Variants in FAM135B observed in about 807,000 individuals in gnomAD.
The protein encoded by FAM135B is protein FAM135B.
Under a neutral mutation model 127.7 loss-of-function variants are expected in FAM135B, and 43 were observed. That is an observed-to-expected ratio of 0.34 (90% CI 0.26 to 0.43). The LOEUF is 0.43. FAM135B is among the 20% of genes least tolerant of loss of function. FAM135B has a pLI of 1.00. For synonymous variants in FAM135B, 670 were observed against 665.1 expected (o/e 1.01, Z -0.11); for missense variants, 1,558 against 1,725.6 (o/e 0.90, Z 1.72).
chr8:138,418,866 A>G (rs1445003907), intron 1 of FAM135B, among the ~76,000 whole-genome samples: 1 of 151,798 alleles, frequency 6.6e-6, no homozygotes, highest in South Asian at 2.1e-4. Flanking sequence ...CATAGAAAAA[A>G]AAAACACTCA....
intron 3 of FAM135B, among the ~76,000 whole-genome samples, chr8:138,268,196 T>C (rs1375659058): frequency 6.6e-6 from 1 of 152,138 alleles, no homozygotes; most frequent in Non-Finnish European, 1.5e-5. Context: ...GAGGATAAAA[T>C]AGATCAAGCT....
intron 7 of FAM135B, among the ~76,000 whole-genome samples, chr8:138,237,203 C>G (rs547999933): frequency 6.8e-6 from 1 of 147,742 alleles, no homozygotes; most frequent in East Asian, 2.0e-4. Flanking sequence ...CTCTGTCACC[C>G]AGGCTGGAGT....
chr8:138,438,101 T>G (rs940640792), intron 1 of FAM135B: 1 of 152,314 alleles, frequency 6.6e-6, no homozygotes, highest in East Asian at 1.9e-4. Context: ...TCATTTTAAT[T>G]AACCTAAAAG....
intron 1 of FAM135B, among the ~76,000 whole-genome samples, chr8:138,443,883 C>A (rs1033940156): frequency 1.3e-5 from 2 of 152,138 alleles, no homozygotes; most frequent in African/African-American, 4.8e-5. Context: ...CAAGACCCAT[C>A]AATGTGCTGT....
intron 2 of FAM135B, among the ~76,000 whole-genome samples, chr8:138,326,663 C>T (rs1827813611): frequency 6.6e-6 from 1 of 152,086 alleles, no homozygotes; most frequent in Non-Finnish European, 1.5e-5. Flanking sequence ...GCAGAAGGAT[C>T]AAAGGCATGA....
chr8:138,497,473 G>A (rs1030426626), upstream of FAM135B, among the ~76,000 whole-genome samples: 134 of 152,258 alleles, frequency 8.8e-4, no homozygotes, highest in African/African-American at 3.1e-3. Flanking sequence ...CTCGAGCCAA[G>A]ACCCCAGGCC....
intron 2 of FAM135B, among the ~76,000 whole-genome samples, chr8:138,332,983 G>GCACACACACA (rs59548249): frequency 6.9e-6 from 1 of 145,318 alleles, no homozygotes; most frequent in Non-Finnish European, 1.5e-5. Flanking sequence ...TTTGGAAAGC[G>GCACACACACA]CACACACACA....
intron 1 of FAM135B, among the ~76,000 whole-genome samples, chr8:138,451,171 T>A (rs529486264): frequency 6.6e-6 from 1 of 152,198 alleles, no homozygotes; most frequent in Admixed American, 6.5e-5. Flanking sequence ...GCCTCAGGGG[T>A]CCCTGCAGCT....
chr8:138,272,924 A>G (rs1419844318), intron 3 of FAM135B, among the ~76,000 whole-genome samples: 1 of 152,222 alleles, frequency 6.6e-6, no homozygotes, highest in Non-Finnish European at 1.5e-5. Flanking sequence ...ACCTGTGAAC[A>G]AAGAACTTAC....
chr8:138,151,746 T>C lies in FAM135B; in HGVS notation c.2729A>G (p.Asp910Gly), dbSNP rs2130741344. 1 of 1,614,184 alleles carries C rather than the reference T, an allele frequency of 6.2e-7. No homozygotes were observed. Among genetic ancestry groups the C allele is most frequent in the South Asian group, 1.1e-5 (1 of 91,086 alleles). Residue 910 changes from aspartate (D) to glycine (G), a missense_variant, in exon 13 of 20, where the codon GAC becomes GGC. Physicochemically the swap from Asp to Gly is moderately conservative, Grantham distance 94. This residue lies in a region of FAM135B where 923 missense variants were observed against 865.3 expected (regional missense o/e 1.07). Coordinates refer to ENST00000395297, the MANE Select transcript of FAM135B (RefSeq NM_015912.4). ...AAGAGCTTGCTGACCCACATTCAAG[T>C]CTTTAGGCATGCCCTTTGGGGTTTC... ...LEETPKGMPK[D>G]LNVGQQALSN...
chr8:138,151,987 C>G lies in FAM135B; in HGVS notation c.2488G>C (p.Val830Leu), dbSNP rs767851541. Residue 830 changes from valine to leucine, a missense_variant, in exon 13 of 20, where the codon GTG (valine) becomes CTG (leucine). By Grantham distance (32) the Val-to-Leu change is conservative. Around this residue, in one of 5 missense-constraint regions of FAM135B, gnomAD observed 923 missense variants for 865.3 expected, o/e 1.07. Transcript: ENST00000395297. ...GTDAGADHPL[V>L]EIVLDADNQQ... ...TTGTCAGCATCTAAAACTATCTCCA[C>G]CAGGGGATGGTCTGCTCCAGCATCT... 1 of 1,614,090 alleles carries G rather than the reference C, an allele frequency of 6.2e-7. No homozygotes were observed. The highest frequency in any genetic ancestry group is 1.1e-5 in the South Asian group (1 of 91,072).
At chr8:138,399,453 T>C (rs1185750762) in intron 1 of FAM135B, among the ~76,000 whole-genome samples, 1 of 152,134 alleles carries the variant, frequency 6.6e-6, no homozygotes, top group Non-Finnish European at 1.5e-5. Context: ...ATAGTGTCCC[T>C]TAAACCCCAG....
chr8:138,163,931 C>T (rs535404493), intron 12 of FAM135B, among the ~76,000 whole-genome samples: 2 of 152,330 alleles, frequency 1.3e-5, no homozygotes, highest in South Asian at 4.1e-4. Flanking sequence ...TGGGCTCAAG[C>T]AAACCTCCCA....
chr8:138,466,735 G>A (rs1260936518), intron 1 of FAM135B, among the ~76,000 whole-genome samples: 1 of 152,208 alleles, frequency 6.6e-6, no homozygotes, highest in African/African-American at 2.4e-5. Context: ...TTTGTTAACT[G>A]TATGGAGGGC....
chr8:138,328,334 C>T (rs987339958), intron 2 of FAM135B, among the ~76,000 whole-genome samples: 13 of 152,064 alleles, frequency 8.5e-5, no homozygotes, highest in Non-Finnish European at 1.3e-4. Context: ...CTGGGGAAGC[C>T]GGGACAGCAT....
intron 1 of FAM135B, among the ~76,000 whole-genome samples, chr8:138,469,674 C>T (rs957795548): frequency 1.3e-5 from 2 of 152,182 alleles, no homozygotes; most frequent in African/African-American, 4.8e-5. Flanking sequence ...AGGCAGGTGG[C>T]ATAGCAGGAC....
At chr8:138,446,164 C>G (rs1255905319) in intron 1 of FAM135B, among the ~76,000 whole-genome samples, 3 of 152,110 alleles carry the variant, frequency 2.0e-5, no homozygotes, top group Non-Finnish European at 4.4e-5. Flanking sequence ...AGGATACAAA[C>G]AAATGGAAGA....
At chr8:138,472,779 C>T (rs890004110) in intron 1 of FAM135B, among the ~76,000 whole-genome samples, 9 of 152,118 alleles carry the variant, frequency 5.9e-5, no homozygotes, top group African/African-American at 2.2e-4. Flanking sequence ...CGAGGGGAGT[C>T]CCACGTTTAG....
intron 7 of FAM135B, among the ~76,000 whole-genome samples, chr8:138,224,262 G>A (rs1819242253): frequency 6.6e-6 from 1 of 152,136 alleles, no homozygotes; most frequent in African/African-American, 2.4e-5. Flanking sequence ...GCAGACCAAA[G>A]AATTGACAGC....
Sources: allele counts gnomAD v4.1 joint callset (sites outside exome capture counted in the v4.1 genomes callset), GRCh38; gene constraint gnomAD v4.1.1; regional missense constraint gnomAD v4.1.1; transcripts MANE v1.5; gene names NCBI Gene and HGNC (gene_info 2026-07-23, HGNC 2026-07-21).